The following TP53I3 variants were observed in gnomAD, a reference collection of about 807,000 sequenced individuals.
The protein encoded by TP53I3 is tumor protein p53 inducible protein 3.
A neutral mutation model predicts 27.7 loss-of-function variants in TP53I3; 32 were observed. That is an observed-to-expected ratio of 1.16 (90% confidence interval 0.87 to 1.55). TP53I3 has a LOEUF of 1.55. Among genes scored for constraint, TP53I3 ranks in the 40% most tolerant of loss-of-function variants. The probability of loss-of-function intolerance (pLI) is 0.00; values close to 1 mark genes in which losing one functional copy is unlikely to be tolerated. For missense variants in TP53I3, 372 were observed against 412.3 expected, an observed-to-expected ratio of 0.90 and a Z score of 0.85; for synonymous variants, 138 against 167.8, an observed-to-expected ratio of 0.82 and a Z score of 1.37.
Position 24,083,221 on chromosome 2 carries a change from C to G in TP53I3, c.139-69G>C, listed in dbSNP as rs1054565039. 29 of 1,476,260 alleles carry G rather than the reference C, an allele frequency of 2.0e-5. No homozygotes were observed. The African/African-American group carries it at 3.8e-4, about 20-fold the overall frequency. The allele number at this position is 1,476,260 out of a possible 1,614,324, so 91.4% of individuals were successfully genotyped here. A position where few individuals can be genotyped will look rare whatever the true frequency, so the allele number is the denominator to read the frequency against. Reference sequence around the variant, plus strand: ...TCTGTATGTCACTACCCCTGGCCCCCCTTCCAAGATCCCCTCTTTTTTTTT... The same window carrying G: ...TCTGTATGTCACTACCCCTGGCCCCGCTTCCAAGATCCCCTCTTTTTTTTT... On this transcript the variant is annotated intron_variant, in intron 1 of 4. Transcript: ENST00000238721.
Position 24,080,722 on chromosome 2 carries a change from G to A in TP53I3, c.619+97C>T. ...GGCAGCTGTTGTGCACTTAGCAGAG[G>A]TAAGACTGATACACAGCACTGGCAA... On this transcript the variant is annotated intron_variant, in intron 3 of 4. Transcript: ENST00000238721. This position sits in a 1 kb window ranked among gnomAD's most constrained non-coding sequence, Gnocchi z 4.7. The A allele has an allele frequency of 6.8e-7, 1 of 1,468,722 alleles. No homozygotes were observed. Among genetic ancestry groups the A allele is most frequent in the South Asian group, 1.2e-5 (1 of 83,910 alleles). 91.0% of individuals were successfully genotyped at this position (1,468,722 alleles called of 1,614,324 possible).
At chr2:24,078,250 T>G (rs1440962657) in intron 4 of TP53I3, among the ~76,000 whole-genome samples, 1 of 152,196 alleles carries the variant, frequency 6.6e-6, no homozygotes, top group Non-Finnish European at 1.5e-5. Context: ...AGATTTTGTC[T>G]TATTTCTTCT....
Position 24,084,344 on chromosome 2 carries a change from GGC to G in TP53I3, c.-20_-19del. On this transcript the variant is annotated 5_prime_UTR_variant, in exon 1 of 5. Transcript: ENST00000238721. This position sits in a 1 kb window ranked among gnomAD's most constrained non-coding sequence, Gnocchi z 8.4. Reference sequence around the variant, plus strand: ...GCTAACATATTGTCTGAGGACACAGGGCAGGGCAGGGCAGGACAGGACAGGGC... The same window carrying G: ...GCTAACATATTGTCTGAGGACACAGGAGGGCAGGGCAGGACAGGACAGGGC... 7.1e-7 allele frequency: 1 copy of G among 1,412,580 alleles called. No individual in the cohort carries two copies. The highest frequency in any genetic ancestry group is 9.6e-7 in the Non-Finnish European group (1 of 1,038,864). 87.5% of individuals were successfully genotyped at this position (1,412,580 alleles called of 1,614,324 possible).
intron 4 of TP53I3, 140 bp downstream of exon 4, chr2:24,079,304 C>T (rs1190836427): frequency 1.2e-6 from 1 of 869,532 alleles, no homozygotes; most frequent in East Asian, 2.6e-5. Context: ...ATCGGGTTCC[C>T]TCTTTATCTT....
chr2:24,079,957 G>A (rs560925532), intron 3 of TP53I3, among the ~76,000 whole-genome samples: 5 of 152,280 alleles, frequency 3.3e-5, no homozygotes, highest in African/African-American at 7.2e-5. Context: ...AATACAGGAG[G>A]CCCAACCTAG....
chr2:24,081,646 C>T (rs1665005845), intron 2 of TP53I3, among the ~76,000 whole-genome samples: 2 of 151,780 alleles, frequency 1.3e-5, no homozygotes, highest in Admixed American at 6.6e-5. Flanking sequence ...TCACAATAGT[C>T]ATCCTTCACT....
Position 24,082,871 on chromosome 2 carries a change from G to A in TP53I3, c.406+14C>T. 1.3e-6 allele frequency: 2 copies of A among 1,594,308 alleles called. No homozygotes were observed. The highest frequency in any genetic ancestry group is 1.7e-6 in the Non-Finnish European group (2 of 1,168,542). On this transcript the variant is annotated intron_variant, in intron 2 of 4. Coordinates refer to ENST00000238721, the MANE Select transcript of TP53I3 (RefSeq NM_004881.5). ...GAGCCACATTGTGTGGAGTGAGCAT[G>A]GAGGCCTCCTCACCCACAAGATGTA...
At position 24,080,656 on chromosome 2, in the gene TP53I3, G is replaced by C; in HGVS notation, c.619+163C>G. The C allele has an allele frequency of 1.4e-6, 1 of 738,588 alleles. No homozygotes were observed. The highest frequency in any genetic ancestry group is 1.7e-5 in the South Asian group (1 of 58,290). The allele number at this position is 738,588 out of a possible 1,614,324, so 45.8% of individuals were successfully genotyped here. ...ATCTTAGATTTAAATATGACTGCCT[G>C]TCTCCAGTGGTCAAATACCATAGTA... On this transcript the variant is annotated intron_variant, in intron 3 of 4. Transcript: ENST00000238721. This position sits in a 1 kb window ranked among gnomAD's most constrained non-coding sequence, Gnocchi z 4.7.
chr2:24,084,373 G>C lies in TP53I3; in HGVS notation c.-47C>G. 3.6e-6 allele frequency: 5 copies of C among 1,391,524 alleles called. No individual in the cohort carries two copies. The highest frequency in any genetic ancestry group is 5.0e-6 in the Non-Finnish European group (5 of 997,124). The allele number at this position is 1,391,524 out of a possible 1,614,324, so 86.2% of individuals were successfully genotyped here. A position where few individuals can be genotyped will look rare whatever the true frequency, so the allele number is the denominator to read the frequency against. ...GGGCAGGGCAGGACAGGACAGGGCA[G>C]GGCAGGGCAGGACAGGACAGGGCAG... On this transcript the variant is annotated 5_prime_UTR_variant, in exon 1 of 5. Coordinates refer to ENST00000238721, the MANE Select transcript of TP53I3 (RefSeq NM_004881.5). This position sits in a 1 kb window ranked among gnomAD's most constrained non-coding sequence, Gnocchi z 8.4.
At chr2:24,081,429 T>A (rs1041696368) in intron 2 of TP53I3, among the ~76,000 whole-genome samples, 2 of 152,164 alleles carry the variant, frequency 1.3e-5, no homozygotes, top group African/African-American at 2.4e-5. Flanking sequence ...CGAAAGCCAG[T>A]CCTTCTAGAG....
chr2:24,079,745 C>T lies in TP53I3; in HGVS notation c.620-105G>A. 2.7e-6 allele frequency: 3 copies of T among 1,118,730 alleles called. No homozygotes were observed. The South Asian group carries it at 4.5e-5, about 17-fold the overall frequency. The allele number at this position is 1,118,730 out of a possible 1,614,324, so 69.3% of individuals were successfully genotyped here. On this transcript the variant is annotated intron_variant, in intron 3 of 4. Coordinates refer to ENST00000238721, the MANE Select transcript of TP53I3 (RefSeq NM_004881.5). Reference sequence around the variant, plus strand: ...ATAAATACAGATGCAAGTGGTAAATCTATAGGTTGGAATTAGAAACACTGC... The same window carrying T: ...ATAAATACAGATGCAAGTGGTAAATTTATAGGTTGGAATTAGAAACACTGC...
In TP53I3 at chr2:24,084,415, G is replaced by C. The variant is rs1477730995; in HGVS notation, c.-89C>G. 3.0e-6 allele frequency: 3 copies of C among 996,296 alleles called. No individual in the cohort carries two copies. The African/African-American group carries it at 4.8e-5, about 16-fold the overall frequency. The allele number at this position is 996,296 out of a possible 1,614,324, so 61.7% of individuals were successfully genotyped here. On this transcript the variant is annotated 5_prime_UTR_variant, in exon 1 of 5. Transcript: ENST00000238721. This position sits in a 1 kb window ranked among gnomAD's most constrained non-coding sequence, Gnocchi z 8.4. ...ACAGGGCAGGGCAGGACAGGACAGG[G>C]CAGGGGCCGCTGTATCCTCGCGGAG... is the stretch of plus-strand genomic sequence containing the variant.
rs1664915000 is a variant in TP53I3, at chr2:24,079,634, C to G, written c.626G>C (p.Gly209Ala). ...EATLKFTKGA[G>A]VNLILDCIGG... ...TATGCAGTCTAGAATAAGATTAACT[C>G]CAGCACCTTCCATAGGAAACAGATT... The change falls in exon 4 of 5, where the codon GGA (glycine) becomes GCA (alanine). Residue 209 changes from glycine to alanine, a missense_variant. Coordinates refer to ENST00000238721, the MANE Select transcript of TP53I3 (RefSeq NM_004881.5). 1 of 1,613,606 alleles carries G rather than the reference C, an allele frequency of 6.2e-7. No individual in the cohort carries two copies. The highest frequency in any genetic ancestry group is 8.5e-7 in the Non-Finnish European group (1 of 1,179,698).
Position 24,079,657 on chromosome 2 carries a change from A to T in TP53I3, c.620-17T>A. The T allele has an allele frequency of 6.2e-7, 1 of 1,611,018 alleles. No individual in the cohort carries two copies. Among genetic ancestry groups the T allele is most frequent in the Non-Finnish European group, 8.5e-7 (1 of 1,177,752 alleles). On this transcript the variant is annotated splice_polypyrimidine_tract_variant and intron_variant, in intron 3 of 4. Coordinates refer to ENST00000238721, the MANE Select transcript of TP53I3 (RefSeq NM_004881.5). Reference sequence around the variant, plus strand: ...CTCCAGCACCTTCCATAGGAAACAGATTTGTGATGCTAGTCAGCTTGGTGC... The same window carrying T: ...CTCCAGCACCTTCCATAGGAAACAGTTTTGTGATGCTAGTCAGCTTGGTGC...
chr2:24,081,136 C>T (rs1426197594), intron 2 of TP53I3, 105 bp from the exon 3 acceptor site: 12 of 406,578 alleles, frequency 3.0e-5, no homozygotes, highest in Non-Finnish European at 4.1e-5. Flanking sequence ...AATGCCAAAT[C>T]AATCTTTTGC....
In TP53I3 at chr2:24,083,122, C is replaced by G. The variant is rs1420217621; in HGVS notation, c.169G>C (p.Ala57Pro). 6.2e-7 allele frequency: 1 copy of G among 1,613,266 alleles called. No individual in the cohort carries two copies. The highest frequency in any genetic ancestry group is 1.3e-5 in the African/African-American group (1 of 75,042). ...RQGQYDPPPG[A>P]SNILGLEASG... ...GCCTCAAGTCCCAAAATGTTGCTGG[C>G]TCCTGGAGGTGGGTCATACTGGCCT... Residue 57 changes from alanine to proline, a missense_variant, in exon 2 of 5, where the codon GCC (alanine) becomes CCC (proline). By Grantham distance (27) the Ala-to-Pro change is conservative (BLOSUM62 -1). Transcript: ENST00000238721.
chr2:24,081,077 C>T, intron 2 of TP53I3, 46 bp from the exon 3 acceptor site: 1 of 1,547,384 alleles, frequency 6.5e-7, no homozygotes, highest in South Asian at 1.1e-5. Flanking sequence ...AACTGCTACA[C>T]ATTCCCCACA....
At chr2:24,083,266 T>G in intron 1 of TP53I3, 114 bp from the exon 2 acceptor site, 1 of 1,387,406 alleles carries the variant, frequency 7.2e-7, no homozygotes. Context: ...AATTTCAGAA[T>G]GAAGTCAGGT....
intron 4 of TP53I3, among the ~76,000 whole-genome samples, chr2:24,078,011 G>A (rs564913001): frequency 2.0e-5 from 3 of 152,160 alleles, no homozygotes; most frequent in Admixed American, 6.5e-5. Context: ...TTCAGAAAAG[G>A]CTAGCTGACC....
Sources: allele counts gnomAD v4.1 joint callset (sites outside exome capture counted in the v4.1 genomes callset), GRCh38; gene constraint gnomAD v4.1.1; non-coding constraint Gnocchi (gnomAD v3.1); transcripts MANE v1.5; gene names NCBI Gene and HGNC (gene_info 2026-07-23, HGNC 2026-07-21).